The following ULK4 variants were observed in gnomAD, a reference collection of about 807,000 sequenced individuals.
The protein encoded by ULK4 is inactive serine/threonine-protein kinase ULK4.
ULK4 carries 133 observed loss-of-function variants against 160.6 expected under a neutral mutation model. The observed-to-expected ratio is 0.83, with a 90% confidence interval of 0.72 to 0.96. ULK4 has a LOEUF of 0.96. Among genes scored for constraint, ULK4 ranks in the 40% least tolerant of loss-of-function variants. ULK4 has a pLI of 0.00. For missense variants in ULK4, 1,580 were observed against 1,499.5 expected (o/e 1.05, Z -0.89); for synonymous variants, 534 against 539.8 (o/e 0.99, Z 0.15).
At chr3:41,741,598 T>C (rs2038240094) in intron 22 of ULK4, among the ~76,000 whole-genome samples, 1 of 151,996 alleles carries the variant, frequency 6.6e-6, no homozygotes, top group African/African-American at 2.4e-5. Flanking sequence ...ATCAGATGCA[T>C]GCCTGTTAAA....
At chr3:41,891,518 G>C (rs1025067125) in intron 16 of ULK4, among the ~76,000 whole-genome samples, 1 of 149,446 alleles carries the variant, frequency 6.7e-6, no homozygotes, top group Non-Finnish European at 1.5e-5. Context: ...TTACCCACAA[G>C]TCCTACAGAA....
chr3:41,292,349 A>G (rs1410318056), intron 35 of ULK4, among the ~76,000 whole-genome samples: 1 of 152,150 alleles, frequency 6.6e-6, no homozygotes, highest in East Asian at 1.9e-4. Context: ...CTTGCCAACA[A>G]TCCCCTGGAC....
intron 35 of ULK4, among the ~76,000 whole-genome samples, chr3:41,317,063 ATTTTTTT>A (rs1164870603): frequency 3.2e-5 from 3 of 94,522 alleles, no homozygotes; most frequent in Non-Finnish European, 5.9e-5. Flanking sequence ...AATTACATCT[ATTTTTTT>A]TTTTTTTTTT....
In ULK4 at chr3:41,789,785, AC is replaced by A. The variant is rs1431679205; in HGVS notation, c.2068del (p.Val690TrpfsTer3). ...PTAFQNVIEK[V>X]GLNSVINSLA... ...GGAGTTTATTACTGAGTTCAGTCCC[AC>A]CTTTTCAATAACATTCTGGAAGGCA... On this transcript the variant is annotated frameshift_variant, in exon 21 of 37. Transcript: ENST00000301831. LOFTEE classifies it high-confidence loss of function. 2 of 1,613,526 alleles carry A rather than the reference AC, an allele frequency of 1.2e-6. No individual in the cohort carries two copies. The highest frequency in any genetic ancestry group is 1.7e-6 in the Non-Finnish European group (2 of 1,179,786).
chr3:41,440,685 G>A (rs2083145354), intron 34 of ULK4, among the ~76,000 whole-genome samples: 1 of 152,022 alleles, frequency 6.6e-6, no homozygotes, highest in Non-Finnish European at 1.5e-5. Context: ...GGGAAACAGA[G>A]CTTCTTCAAT....
At chr3:41,521,612 A>T (rs2085934576) in intron 32 of ULK4, among the ~76,000 whole-genome samples, 1 of 152,212 alleles carries the variant, frequency 6.6e-6, no homozygotes. Flanking sequence ...TACAGTCTTG[A>T]AATCTAATCA....
At chr3:41,266,859 G>A (rs2079043525) in intron 35 of ULK4, among the ~76,000 whole-genome samples, 1 of 151,818 alleles carries the variant, frequency 6.6e-6, no homozygotes, top group South Asian at 2.1e-4. Flanking sequence ...TACTTCCATG[G>A]TCCCTTAAAA....
chr3:41,750,103 C>A (rs1415799261), intron 22 of ULK4, among the ~76,000 whole-genome samples: 1 of 152,178 alleles, frequency 6.6e-6, no homozygotes, highest in African/African-American at 2.4e-5. Flanking sequence ...AACACCTTGA[C>A]ATCAAGTATG....
intron 12 of ULK4, among the ~76,000 whole-genome samples, chr3:41,905,539 C>T (rs1698521967): frequency 6.6e-6 from 1 of 151,516 alleles, no homozygotes. Context: ...AGGACACCAT[C>T]AAGAAAGAAA....
intron 30 of ULK4, among the ~76,000 whole-genome samples, chr3:41,662,932 G>A (rs1369511097): frequency 1.3e-5 from 2 of 151,346 alleles, no homozygotes; most frequent in Admixed American, 1.3e-4. Context: ...AAAAAAAAAA[G>A]TATGTCGGCC....
At chr3:41,261,920 G>T (rs182013085) in intron 35 of ULK4, among the ~76,000 whole-genome samples, 190 of 152,344 alleles carry the variant, frequency 1.2e-3, no homozygotes, top group East Asian at 6.6e-3. Context: ...TCAACAGTTT[G>T]CTGGGTAGCC....
chr3:41,497,280 A>T (rs1240191479), intron 32 of ULK4, among the ~76,000 whole-genome samples: 1 of 152,022 alleles, frequency 6.6e-6, no homozygotes, highest in South Asian at 2.1e-4. Context: ...CAGGAAAAAA[A>T]GGTCAGTAAA....
intron 17 of ULK4, among the ~76,000 whole-genome samples, chr3:41,838,305 CTGAT>C (rs1274313211): frequency 1.3e-5 from 2 of 152,058 alleles, no homozygotes; most frequent in African/African-American, 2.4e-5. Flanking sequence ...GTAAAAATGT[CTGAT>C]TGGGTTCTAA....
intron 17 of ULK4, among the ~76,000 whole-genome samples, chr3:41,869,544 C>T (rs1210664060): frequency 6.6e-6 from 1 of 152,176 alleles, no homozygotes; most frequent in East Asian, 1.9e-4. Flanking sequence ...TATGCCACTG[C>T]ACTCCAGCCT....
intron 32 of ULK4, among the ~76,000 whole-genome samples, chr3:41,477,936 A>G (rs546554515): frequency 5.9e-5 from 9 of 152,248 alleles, no homozygotes; most frequent in Non-Finnish European, 1.2e-4. Context: ...CATGGGTCTA[A>G]CATGCTCACC....
At chr3:41,718,465 C>T (rs1456131293) in intron 22 of ULK4, among the ~76,000 whole-genome samples, 1 of 152,174 alleles carries the variant, frequency 6.6e-6, no homozygotes, top group Admixed American at 6.5e-5. Context: ...CCACTTCCAA[C>T]CCGGAACTAG....
chr3:41,451,792 T>G (rs539422701), intron 34 of ULK4, among the ~76,000 whole-genome samples: 2 of 152,256 alleles, frequency 1.3e-5, no homozygotes, highest in Admixed American at 1.3e-4. Flanking sequence ...AACTGCTACT[T>G]TTGTAGGCCT....
intron 32 of ULK4, among the ~76,000 whole-genome samples, chr3:41,531,191 C>T (rs1473948316): frequency 1.3e-5 from 2 of 150,454 alleles, no homozygotes; most frequent in East Asian, 4.0e-4. Context: ...GCCTGTAATC[C>T]CAGCACTTTA....
intron 35 of ULK4, among the ~76,000 whole-genome samples, chr3:41,336,868 G>A (rs1291788202): frequency 6.6e-6 from 1 of 152,158 alleles, no homozygotes; most frequent in Non-Finnish European, 1.5e-5. Context: ...TCAGTAACAT[G>A]GAGGAGCCTA....
Sources: allele counts gnomAD v4.1 joint callset (sites outside exome capture counted in the v4.1 genomes callset), GRCh38; gene constraint gnomAD v4.1.1; transcripts MANE v1.5; gene names NCBI Gene and HGNC (gene_info 2026-07-23, HGNC 2026-07-21).